The following TBC1D8 variants were observed in gnomAD, a reference collection of about 807,000 sequenced individuals.
TBC1D8 encodes the protein BUB2-like protein 1.
TBC1D8 carries 65 observed loss-of-function variants against 118.8 expected under a neutral mutation model. The observed-to-expected ratio is 0.55, with a 90% CI of 0.45 to 0.67. The LOEUF (loss-of-function observed/expected upper bound fraction) is 0.67, where lower values mean the gene tolerates loss of function less well. Among genes scored for constraint, TBC1D8 ranks in the 30% least tolerant of loss-of-function variants. The pLI is 0.00. For synonymous variants in TBC1D8, 566 were observed against 595.8 expected (o/e 0.95, Z 0.73); for missense variants, 1,376 against 1,471.2 (o/e 0.94, Z 1.06).
intron 1 of TBC1D8, among the ~76,000 whole-genome samples, chr2:101,129,799 G>A (rs1352842726): frequency 6.6e-6 from 1 of 151,928 alleles, no homozygotes; most frequent in Non-Finnish European, 1.5e-5. Context: ...CAGCTACTCA[G>A]GAGACTGAGG....
intron 1 of TBC1D8, among the ~76,000 whole-genome samples, chr2:101,128,842 C>T (rs1047769327): frequency 6.6e-6 from 1 of 152,026 alleles, no homozygotes; most frequent in East Asian, 1.9e-4. Flanking sequence ...AAGACAAATA[C>T]CGTGTGATTC....
chr2:101,055,026 A>G (rs1272578070), intron 3 of TBC1D8, among the ~76,000 whole-genome samples: 1 of 152,098 alleles, frequency 6.6e-6, no homozygotes. Context: ...ATATGAGGGT[A>G]AAAGGACTGG....
At position 101,037,583 on chromosome 2, in the gene TBC1D8, G is replaced by A. The variant is rs1051032456; in HGVS notation, c.1401C>T (p.Ala467=). The change falls in exon 8 of 20, where the codon GCC becomes GCT. Residue 467 remains alanine (A), a synonymous_variant. Transcript: ENST00000409318. ...CTGACTGCTGGAAGGCGGTGACCAGGGCATCGGGGTGCATCAGCGGGCTCT... is the reference window on the plus strand; with the variant it reads ...CTGACTGCTGGAAGGCGGTGACCAGAGCATCGGGGTGCATCAGCGGGCTCT... ...KEKSPLMHPD[A]LVTAFQQSGS... 2.5e-6 allele frequency: 4 copies of A among 1,613,178 alleles called. No individual in the cohort carries two copies. The African/African-American group carries it at 5.3e-5, about 22-fold the overall frequency.
intron 2 of TBC1D8, among the ~76,000 whole-genome samples, chr2:101,062,513 T>C (rs1039298850): frequency 2.2e-4 from 33 of 152,320 alleles, no homozygotes; most frequent in African/African-American, 7.5e-4. Flanking sequence ...TGATGAAGAC[T>C]GAATGAGGAA....
At chr2:101,019,072 G>A (rs1679865540) in intron 17 of TBC1D8, 2 of 1,599,354 alleles carry the variant, frequency 1.3e-6, no homozygotes, top group Admixed American at 1.7e-5. Flanking sequence ...GAGGCCTTGG[G>A]TCTCGGCTCT....
At chr2:101,052,587 G>A (rs541243141) in intron 4 of TBC1D8, among the ~76,000 whole-genome samples, 5 of 149,342 alleles carry the variant, frequency 3.3e-5, no homozygotes, top group Non-Finnish European at 7.4e-5. Flanking sequence ...AGCGATTCTC[G>A]TGCTTCAGCC....
chr2:101,062,277 T>A (rs1007890777), intron 2 of TBC1D8, among the ~76,000 whole-genome samples: 1 of 151,552 alleles, frequency 6.6e-6, no homozygotes, highest in Non-Finnish European at 1.5e-5. Flanking sequence ...TATTATCCAT[T>A]ACAATAAAAC....
rs1410641105 is a variant in TBC1D8, at chr2:101,028,373, G to A, written c.2282C>T (p.Ala761Val). The change falls in exon 13 of 20, where the codon GCC becomes GTC. Residue 761 changes from alanine to valine, a missense_variant. Physicochemically the swap from Ala to Val is moderately conservative, Grantham distance 64. Coordinates refer to ENST00000409318, the MANE Select transcript of TBC1D8 (RefSeq NM_001330348.2). ...SPGPPVGSHH[A>V]FFSDDQEPYP... ...GGGCTCCTGGTCGTCGGAGAAAAAG[G>A]CATGGTGGCTGCCAACTGGGGGCCC... 1 of 1,611,862 alleles carries A rather than the reference G, an allele frequency of 6.2e-7. No homozygotes were observed. The highest frequency in any genetic ancestry group is 2.2e-5 in the East Asian group (1 of 44,846).
chr2:101,047,374 C>T (rs556853604), intron 5 of TBC1D8, among the ~76,000 whole-genome samples: 3 of 152,286 alleles, frequency 2.0e-5, no homozygotes, highest in Admixed American at 6.5e-5. Flanking sequence ...CGGCTCGTGA[C>T]CCCAAGGGCA....
At chr2:101,082,025 G>C (rs927881623) in intron 2 of TBC1D8, among the ~76,000 whole-genome samples, 8 of 152,172 alleles carry the variant, frequency 5.3e-5, no homozygotes, top group Middle Eastern at 3.2e-3. Flanking sequence ...GGTAATCCCA[G>C]CTACTCAGGA....
intron 15 of TBC1D8, 72 bp from the exon 16 acceptor site, chr2:101,022,593 CA>C: frequency 2.6e-6 from 4 of 1,522,046 alleles, no homozygotes; most frequent in Non-Finnish European, 3.5e-6. Context: ...CAAACAAATA[CA>C]ATAATAAATT....
At position 101,064,144 on chromosome 2, in the gene TBC1D8, T is replaced by C. The variant is rs75884491; in HGVS notation, c.284-4605A>G. Reference sequence around the variant, plus strand: ...GCCCCTGCTCCCAGTGGGAGTGTGTTTGGAGATAGCACTTTTAAGGAGGTA... The same window carrying C: ...GCCCCTGCTCCCAGTGGGAGTGTGTCTGGAGATAGCACTTTTAAGGAGGTA... On this transcript the variant is annotated intron_variant, in intron 2 of 19. Transcript: ENST00000409318. 4.7e-3 allele frequency among the ~76,000 whole-genome samples: 713 copies of C among 152,224 alleles called. 8 individuals carry two copies. The highest frequency in any genetic ancestry group is 0.016 in the African/African-American group (670 of 41,528).
chr2:101,147,022 T>C (rs2104288767), intron 1 of TBC1D8, among the ~76,000 whole-genome samples: 1 of 152,300 alleles, frequency 6.6e-6, no homozygotes, highest in South Asian at 2.1e-4. Context: ...ATCCATGTTG[T>C]TGCAAATGCG....
intron 2 of TBC1D8, among the ~76,000 whole-genome samples, chr2:101,070,871 C>T (rs915321360): frequency 1.3e-5 from 2 of 152,062 alleles, no homozygotes; most frequent in African/African-American, 4.8e-5. Context: ...TCTACATAAG[C>T]CTAAATAATA....
At chr2:101,134,260 T>C (rs1444056437) in intron 1 of TBC1D8, among the ~76,000 whole-genome samples, 1 of 151,420 alleles carries the variant, frequency 6.6e-6, no homozygotes, top group African/African-American at 2.4e-5. Context: ...CTTTCTGGTA[T>C]AAATGGATGC....
At chr2:101,105,989 A>T (rs552961851) in intron 1 of TBC1D8, among the ~76,000 whole-genome samples, 36 of 152,160 alleles carry the variant, frequency 2.4e-4, no homozygotes, top group Admixed American at 2.0e-4. Flanking sequence ...AGGTGAATGG[A>T]TAACCAAACT....
At chr2:101,105,993 C>A (rs1677186485) in intron 1 of TBC1D8, among the ~76,000 whole-genome samples, 1 of 151,650 alleles carries the variant, frequency 6.6e-6, no homozygotes, top group African/African-American at 2.4e-5. Flanking sequence ...GAATGGATAA[C>A]CAAACTGTGG....
chr2:101,084,475 C>T (rs919286279), intron 2 of TBC1D8, among the ~76,000 whole-genome samples: 3 of 152,118 alleles, frequency 2.0e-5, no homozygotes, highest in Non-Finnish European at 4.4e-5. Context: ...TGCTTGAACC[C>T]GGGAGGTGGA....
Position 101,059,649 on chromosome 2 carries a change from A to G in TBC1D8, c.284-110T>C, listed in dbSNP as rs1478347624. ...TGTATCCCCATGTTGATGTTAAAAC[A>G]TCTGGCCTTGGCCAGGCGCAGTGGC... On this transcript the variant is annotated intron_variant, in intron 2 of 19. Coordinates refer to ENST00000409318, the MANE Select transcript of TBC1D8 (RefSeq NM_001330348.2). 12 of 994,862 alleles carry G rather than the reference A, an allele frequency of 1.2e-5. No homozygotes were observed. In the East Asian group the frequency reaches 2.0e-4, roughly 17 times the overall value. The allele number at this position is 994,862 out of a possible 1,614,324, so 61.6% of individuals were successfully genotyped here. A position where few individuals can be genotyped will look rare whatever the true frequency, so the allele number is the denominator to read the frequency against.
Sources: allele counts gnomAD v4.1 joint callset (sites outside exome capture counted in the v4.1 genomes callset), GRCh38; gene constraint gnomAD v4.1.1; transcripts MANE v1.5; gene names NCBI Gene and HGNC (gene_info 2026-07-23, HGNC 2026-07-21).